Variants in SNX5 observed in about 807,000 individuals in gnomAD.
SNX5 encodes sorting nexin 5, also known as sorting nexin-5.
SNX5 carries 31 observed loss-of-function variants against 53.9 expected under a neutral mutation model. The observed-to-expected ratio is 0.58, with a 90% CI of 0.43 to 0.78. The LOEUF is 0.78. Among genes scored for constraint, SNX5 ranks in the 30% least tolerant of loss-of-function variants. SNX5 has a pLI of 0.00. For missense variants in SNX5, 471 were observed against 478.8 expected (o/e 0.98, Z 0.15); for synonymous variants, 168 against 171.1 (o/e 0.98, Z 0.14).
intron 5 of SNX5, 24 bp downstream of exon 5, chr20:17,952,563 C>T (rs372496892): frequency 6.2e-7 from 1 of 1,606,330 alleles, no homozygotes; most frequent in Non-Finnish European, 8.5e-7. Flanking sequence ...AGTGGATTAT[C>T]AAAATGGAAT....
chr20:17,955,175 G>T (rs1194947870), intron 3 of SNX5, among the ~76,000 whole-genome samples, 190 bp downstream of exon 3: 6 of 152,102 alleles, frequency 3.9e-5, no homozygotes, highest in Non-Finnish European at 7.4e-5. Flanking sequence ...ATGTAAGCCT[G>T]TATGCACCAC....
intron 1 of SNX5, among the ~76,000 whole-genome samples, chr20:17,966,254 G>A (rs950116777): frequency 3.3e-5 from 5 of 152,074 alleles, no homozygotes; most frequent in Non-Finnish European, 4.4e-5. Flanking sequence ...GCATGGCGGT[G>A]AGCGACTGTA....
intron 1 of SNX5, among the ~76,000 whole-genome samples, chr20:17,959,544 C>T (rs2035416059): frequency 6.6e-6 from 1 of 152,168 alleles, no homozygotes; most frequent in Non-Finnish European, 1.5e-5. Context: ...ACATGACAGT[C>T]CTAACCACCA....
At chr20:17,963,883 C>T (rs1307060227) in intron 1 of SNX5, among the ~76,000 whole-genome samples, 1 of 145,782 alleles carries the variant, frequency 6.9e-6, no homozygotes, top group Non-Finnish European at 1.5e-5. Context: ...GCAGGCTGCC[C>T]GCTTTTTGGT....
At chr20:17,955,114 T>C (rs1344852524) in intron 3 of SNX5, among the ~76,000 whole-genome samples, 1 of 152,142 alleles carries the variant, frequency 6.6e-6, no homozygotes, top group Non-Finnish European at 1.5e-5. Context: ...AACCTAAAGG[T>C]AGGTAAGACT....
Position 17,950,184 on chromosome 20 carries a change from T to C in SNX5, c.739A>G (p.Thr247Ala). 6.2e-7 allele frequency: 1 copy of C among 1,614,136 alleles called. No individual in the cohort carries two copies. Among genetic ancestry groups the C allele is most frequent in the Non-Finnish European group, 8.5e-7 (1 of 1,179,984 alleles). ...GCCAGGCTATGTAAGCAGGCTGCGG[T>C]GTGGATATAGTCATCGGCAACATCT... ...HKNVADDYIH[T>A]AACLHSLALE... is the part of the protein sequence containing the mutation. Residue 247 changes from threonine (T) to alanine (A), a missense_variant, in exon 8 of 13, where the codon ACC (threonine) becomes GCC (alanine). Physicochemically the swap from Thr to Ala is moderately conservative, Grantham distance 58. Coordinates refer to ENST00000377759, the MANE Select transcript of SNX5 (RefSeq NM_014426.4).
intron 1 of SNX5, chr20:17,960,990 TATAATCA>T (rs1304973643): frequency 3.5e-6 from 1 of 289,658 alleles, no homozygotes; most frequent in African/African-American, 2.3e-5. Flanking sequence ...CAATACGGAT[TATAATCA>T]GCCTTCACGG....
intron 8 of SNX5, among the ~76,000 whole-genome samples, chr20:17,949,577 C>T (rs2039535084): frequency 6.6e-6 from 1 of 152,162 alleles, no homozygotes; most frequent in Non-Finnish European, 1.5e-5. Flanking sequence ...GAAACACATA[C>T]ATAAGTGCAG....
intron 2 of SNX5, among the ~76,000 whole-genome samples, chr20:17,955,926 G>C (rs1266801046): frequency 1.3e-5 from 2 of 152,100 alleles, no homozygotes; most frequent in African/African-American, 2.4e-5. Flanking sequence ...CTCCTGAGTA[G>C]CTGGAACTAC....
At chr20:17,962,612 A>G in intron 1 of SNX5, 1 of 447,202 alleles carries the variant, frequency 2.2e-6, no homozygotes, top group South Asian at 1.7e-5. Flanking sequence ...AAACAGAACT[A>G]AAGACTTCTA....
chr20:17,945,906 A>C (rs561964925), intron 11 of SNX5, among the ~76,000 whole-genome samples: 8 of 152,316 alleles, frequency 5.3e-5, no homozygotes, highest in Non-Finnish European at 1.0e-4. Context: ...AGTTAGGAAA[A>C]AACTAAGTAA....
chr20:17,962,898 G>A (rs534828807), intron 1 of SNX5: 1 of 519,038 alleles, frequency 1.9e-6, no homozygotes, highest in East Asian at 5.4e-5. Flanking sequence ...CTTGGAAGAA[G>A]GTCAGTGCAG....
intron 2 of SNX5, among the ~76,000 whole-genome samples, chr20:17,956,216 C>T (rs2035353468): frequency 6.6e-6 from 1 of 152,154 alleles, no homozygotes; most frequent in Non-Finnish European, 1.5e-5. Context: ...CCTTTTCACT[C>T]CAGTGAATGC....
At chr20:17,962,849 A>T (rs753213) in intron 1 of SNX5, 153,436 of 518,922 alleles carry the variant, frequency 0.3, 24,717 homozygotes, top group East Asian at 0.44. Context: ...GGGCATTTTC[A>T]GGCTACATAG....
At chr20:17,963,417 G>C (rs1170621386) in intron 1 of SNX5, among the ~76,000 whole-genome samples, 1 of 152,140 alleles carries the variant, frequency 6.6e-6, no homozygotes, top group Non-Finnish European at 1.5e-5. Context: ...AGTGAACTAC[G>C]ATCAGACCAC....
chr20:17,943,585 C>A (rs754527820), intron 11 of SNX5: 17 of 169,562 alleles, frequency 1.0e-4, no homozygotes, highest in Non-Finnish European at 2.0e-4. Flanking sequence ...CAAAAGAAGA[C>A]ATACCAGGTT....
At chr20:17,955,938 G>A (rs1358214768) in intron 2 of SNX5, among the ~76,000 whole-genome samples, 1 of 152,122 alleles carries the variant, frequency 6.6e-6, no homozygotes, top group Non-Finnish European at 1.5e-5. Flanking sequence ...TGGAACTACA[G>A]GTGTGTGCTA....
At chr20:17,945,845 G>T (rs770859397) in intron 11 of SNX5, among the ~76,000 whole-genome samples, 1 of 152,138 alleles carries the variant, frequency 6.6e-6, no homozygotes, top group Non-Finnish European at 1.5e-5. Flanking sequence ...ACATGTTGAT[G>T]AACACATCAT....
chr20:17,965,417 T>G (rs182336890), intron 1 of SNX5, among the ~76,000 whole-genome samples: 1 of 152,016 alleles, frequency 6.6e-6, no homozygotes, highest in Non-Finnish European at 1.5e-5. Context: ...CAGAAACAAA[T>G]CTAGAAAACT....
Sources: gnomAD v4.1 joint callset for allele counts (sites outside exome capture counted in the v4.1 genomes callset) on GRCh38, gnomAD v4.1.1 for gene constraint, MANE v1.5 for transcripts, NCBI Gene and HGNC (gene_info 2026-07-23, HGNC 2026-07-21) for gene names.